The following ASB18 variants were observed in gnomAD, a reference collection of about 807,000 sequenced individuals.
ASB18 encodes ankyrin repeat and SOCS box protein 18.
Under a neutral mutation model 33.4 loss-of-function variants are expected in ASB18, and 33 were observed. The ratio of observed to expected loss-of-function variants is 0.99; its 90% CI spans 0.75 to 1.32. The LOEUF (loss-of-function observed/expected upper bound fraction) is 1.32. Ranked by LOEUF, ASB18 falls within the 40% of genes most tolerant of loss-of-function variation. ASB18 has a pLI of 0.00. For synonymous variants in ASB18, 295 were observed against 307.6 expected (o/e 0.96, Z 0.43); for missense variants, 694 against 655.5 (o/e 1.06, Z -0.64).
rs2060503657 is a variant in ASB18 at position 236,220,016 on chromosome 2, C to T, written c.597-5150G>A. On this transcript the variant is annotated intron_variant, in intron 3 of 5. Coordinates refer to ENST00000409749, the MANE Select transcript of ASB18 (RefSeq NM_212556.4). The surrounding 1 kb of genome is among the most constrained non-coding windows in gnomAD (Gnocchi z 5.1). ...ACACATTAATCTCTGGGTGCCTCAT[C>T]TCTGTTTTCGATAATGACTGCAATG... Among the ~76,000 whole-genome samples the T allele has an allele frequency of 6.6e-6, 1 of 152,228 alleles. No individual in the cohort carries two copies. Among genetic ancestry groups the T allele is most frequent in the Non-Finnish European group, 1.5e-5 (1 of 68,040 alleles).
rs982583972 is a variant in ASB18, at chr2:236,244,765, G to C, written c.206-3363C>G. Among the ~76,000 whole-genome samples the C allele has an allele frequency of 6.6e-6, 1 of 152,190 alleles. No homozygotes were observed. The highest frequency in any genetic ancestry group is 2.4e-5 in the African/African-American group (1 of 41,446). ...GAGTGCTCAGCAAAGGGAGACCTTT[G>C]ATTTTCCTTACAAGAGATTGCAGCA... On this transcript the variant is annotated intron_variant, in intron 1 of 5. Transcript: ENST00000409749. This position sits in a 1 kb window ranked among gnomAD's most constrained non-coding sequence, Gnocchi z 6.1.
rs943619253 is a variant in ASB18, at chr2:236,195,199, A to G, written c.1216-142T>C. 121 of 742,336 alleles carry G rather than the reference A, an allele frequency of 1.6e-4. No individual in the cohort carries two copies. Among genetic ancestry groups the G allele is most frequent in the Non-Finnish European group, 2.5e-4 (113 of 459,132 alleles). 46.0% of individuals were successfully genotyped at this position (742,336 alleles called of 1,614,324 possible). A position where few individuals can be genotyped will look rare whatever the true frequency, so the allele number is the denominator to read the frequency against. On this transcript the variant is annotated intron_variant, in intron 5 of 5. Transcript: ENST00000409749. This position sits in a 1 kb window ranked among gnomAD's most constrained non-coding sequence, Gnocchi z 5.5. ...TAAGCGCACTGGAGGGAGACGCACC[A>G]TCTTGTGGGAACCACCCTCTACCCC...
rs371669046 is a variant in ASB18, at chr2:236,241,350, G to A, written c.258C>T (p.Asn86=). The A allele has an allele frequency of 6.8e-5, 109 of 1,613,788 alleles. No homozygotes were observed. The highest frequency in any genetic ancestry group is 8.7e-5 in the Non-Finnish European group (103 of 1,179,836). The change falls in exon 2 of 6, where the codon AAC becomes AAT. Residue 86 remains asparagine, a synonymous_variant. Coordinates refer to ENST00000409749, the MANE Select transcript of ASB18 (RefSeq NM_212556.4). This position sits in a 1 kb window ranked among gnomAD's most constrained non-coding sequence, Gnocchi z 4.2. The part of the protein sequence containing the change: ...PLMDQFFQDA[N]VVFEINKDEM... ...CATCCTTATTGATCTCAAACACCAC[G>A]TTGGCATCCTGGAAGAACTGGTCCA...
chr2:236,204,070 G>A lies in ASB18; in HGVS notation c.1102-7685C>T, dbSNP rs796948364. Among the ~76,000 whole-genome samples, 4 of 151,458 alleles carry A rather than the reference G, an allele frequency of 2.6e-5. No individual in the cohort carries two copies. Among genetic ancestry groups the A allele is most frequent in the African/African-American group, 9.7e-5 (4 of 41,230 alleles). On this transcript the variant is annotated intron_variant, in intron 4 of 5. Coordinates refer to ENST00000409749, the MANE Select transcript of ASB18 (RefSeq NM_212556.4). The surrounding 1 kb of genome is among the most constrained non-coding windows in gnomAD (Gnocchi z 5.1). ...AGGAGATTTTGAGATATATTTAGGG[G>A]GAAGAGTGGGGAGAATCTGGGGATG...
chr2:236,198,172 A>G (rs1397879308), intron 4 of ASB18, among the ~76,000 whole-genome samples: 1 of 152,118 alleles, frequency 6.6e-6, no homozygotes, highest in Non-Finnish European at 1.5e-5. Context: ...TAAAATACAA[A>G]TATGACAAAC....
rs898863835 is a variant in ASB18, at chr2:236,260,764, G to T, written c.205+3377C>A. On this transcript the variant is annotated intron_variant, in intron 1 of 5. Transcript: ENST00000409749. The surrounding 1 kb of genome is among the most constrained non-coding windows in gnomAD (Gnocchi z 5.1). ...AGGTTCTGGGTTGAGATGAGAAACCGTGCCAAATGCAATTGCAATCCTTAA... is the reference window on the plus strand; with the variant it reads ...AGGTTCTGGGTTGAGATGAGAAACCTTGCCAAATGCAATTGCAATCCTTAA... Among the ~76,000 whole-genome samples, 2 of 152,156 alleles carry T rather than the reference G, an allele frequency of 1.3e-5. No individual in the cohort carries two copies. The highest frequency in any genetic ancestry group is 1.3e-4 in the Admixed American group (2 of 15,278).
rs928978990 is a variant in ASB18 at position 236,217,951 on chromosome 2, C to T, written c.597-3085G>A. 1.3e-5 allele frequency among the ~76,000 whole-genome samples: 2 copies of T among 152,208 alleles called. No homozygotes were observed. Among genetic ancestry groups the T allele is most frequent in the African/African-American group, 4.8e-5 (2 of 41,452 alleles). On this transcript the variant is annotated intron_variant, in intron 3 of 5. Transcript: ENST00000409749. This position sits in a 1 kb window ranked among gnomAD's most constrained non-coding sequence, Gnocchi z 5.2. ...AAATCAAGGGTTCCTTCTCGTTTTG[C>T]CACTGAGCCTGTGTGCACTTGCAAA...
In ASB18 at chr2:236,214,750, T is replaced by C; in HGVS notation, c.713A>G (p.Tyr238Cys). The C allele has an allele frequency of 1.4e-5, 16 of 1,175,134 alleles. No homozygotes were observed. Among genetic ancestry groups the C allele is most frequent in the Non-Finnish European group, 1.7e-5 (16 of 952,134 alleles). The allele number at this position is 1,175,134 out of a possible 1,614,324, so 72.8% of individuals were successfully genotyped here. ...QRGLDEHARLYLGRGAHVDAR... is the reference protein window; with the variant it reads ...QRGLDEHARLCLGRGAHVDAR... Reference sequence around the variant, plus strand: ...GTCCACGTGCGCCCCGCGGCCCAGGTACAGGCGCGCGTGCTCGTCCAGGCC... The same window carrying C: ...GTCCACGTGCGCCCCGCGGCCCAGGCACAGGCGCGCGTGCTCGTCCAGGCC... Residue 238 changes from tyrosine (Y) to cysteine (C), a missense_variant, in exon 4 of 6, where the codon TAC (tyrosine) becomes TGC (cysteine). Transcript: ENST00000409749. The surrounding 1 kb of genome is among the most constrained non-coding windows in gnomAD (Gnocchi z 6.5).
rs1363696413 is a variant in ASB18 at position 236,211,863 on chromosome 2, A to G, written c.1101+2499T>C. On this transcript the variant is annotated intron_variant, in intron 4 of 5. Transcript: ENST00000409749. This position sits in a 1 kb window ranked among gnomAD's most constrained non-coding sequence, Gnocchi z 5.0. ...CCTCATCCACCATCCTCTCCTGGCC[A>G]GGTGTAGGGGTACCCACTGGAGGTG... Among the ~76,000 whole-genome samples, 1 of 152,144 alleles carries G rather than the reference A, an allele frequency of 6.6e-6. No homozygotes were observed. Among genetic ancestry groups the G allele is most frequent in the Non-Finnish European group, 1.5e-5 (1 of 68,024 alleles).
In ASB18 at chr2:236,195,323, G is replaced by C. The variant is rs1045833940; in HGVS notation, c.1216-266C>G. On this transcript the variant is annotated intron_variant, in intron 5 of 5. Transcript: ENST00000409749. The surrounding 1 kb of genome is among the most constrained non-coding windows in gnomAD (Gnocchi z 5.5). ...GCTCCAGGTGGTCTCCCCGAATTCC[G>C]TTTTGCTCCATCCTCTTTGCACAGC... Among the ~76,000 whole-genome samples the C allele has an allele frequency of 2.6e-5, 4 of 152,114 alleles. No individual in the cohort carries two copies. Among genetic ancestry groups the C allele is most frequent in the Non-Finnish European group, 5.9e-5 (4 of 68,016 alleles).
At chr2:236,224,721 G>C (rs1432473531) in intron 3 of ASB18, among the ~76,000 whole-genome samples, 1 of 152,146 alleles carries the variant, frequency 6.6e-6, no homozygotes, top group Non-Finnish European at 1.5e-5. Flanking sequence ...ATGCCTTGCA[G>C]GCCTGAGAGG....
Position 236,216,869 on chromosome 2 carries a change from C to T in ASB18, c.597-2003G>A, listed in dbSNP as rs1000785183. Reference sequence around the variant, plus strand: ...GGCTCACCGGGTTCACCTCCTGAGGCGCCGCCTCTCCATGCTTCAATTCTG... The same window carrying T: ...GGCTCACCGGGTTCACCTCCTGAGGTGCCGCCTCTCCATGCTTCAATTCTG... On this transcript the variant is annotated intron_variant, in intron 3 of 5. Transcript: ENST00000409749. This position sits in a 1 kb window ranked among gnomAD's most constrained non-coding sequence, Gnocchi z 6.1. 2.0e-5 allele frequency among the ~76,000 whole-genome samples: 3 copies of T among 152,290 alleles called. No individual in the cohort carries two copies. The highest frequency in any genetic ancestry group is 2.1e-4 in the South Asian group (1 of 4,828).
At chr2:236,197,574 C>T (rs2060380073) in intron 4 of ASB18, among the ~76,000 whole-genome samples, 1 of 152,008 alleles carries the variant, frequency 6.6e-6, no homozygotes, top group African/African-American at 2.4e-5. Flanking sequence ...AGTGGCTCAG[C>T]ACTTTGGGAG....
At chr2:236,243,843 T>C (rs1010789239) in intron 1 of ASB18, among the ~76,000 whole-genome samples, 2 of 152,244 alleles carry the variant, frequency 1.3e-5, no homozygotes, top group East Asian at 3.8e-4. Flanking sequence ...TTCCTTTTTT[T>C]TGAGATAGAG....
Position 236,239,288 on chromosome 2 carries a change from C to A in ASB18, c.329-1332G>T, listed in dbSNP as rs2060610378. Among the ~76,000 whole-genome samples, 1 of 152,154 alleles carries A rather than the reference C, an allele frequency of 6.6e-6. No homozygotes were observed. The highest frequency in any genetic ancestry group is 2.4e-5 in the African/African-American group (1 of 41,426). On this transcript the variant is annotated intron_variant, in intron 2 of 5. Coordinates refer to ENST00000409749, the MANE Select transcript of ASB18 (RefSeq NM_212556.4). The surrounding 1 kb of genome is among the most constrained non-coding windows in gnomAD (Gnocchi z 5.6). The stretch of plus-strand genomic sequence containing the variant: ...GAAATGCTAAATCCCCAACCCAGCC[C>A]CACCCTACCCTAGCGCTCAGTAAAC...
intron 2 of ASB18, among the ~76,000 whole-genome samples, chr2:236,240,568 G>A (rs1305676403): frequency 1.3e-5 from 2 of 152,236 alleles, no homozygotes; most frequent in Non-Finnish European, 2.9e-5. Context: ...GGTGCCCAAA[G>A]CAGGGTGCCA....
chr2:236,253,403 C>T lies in ASB18; in HGVS notation c.205+10738G>A, dbSNP rs746956669. Among the ~76,000 whole-genome samples, 1 of 152,026 alleles carries T rather than the reference C, an allele frequency of 6.6e-6. No individual in the cohort carries two copies. The highest frequency in any genetic ancestry group is 1.5e-5 in the Non-Finnish European group (1 of 68,004). ...TTTGTTTTTATTTTTTTAAGGACAG[C>T]GTCTCACTCTGTTGCCTAGGCTAGA... On this transcript the variant is annotated intron_variant, in intron 1 of 5. Coordinates refer to ENST00000409749, the MANE Select transcript of ASB18 (RefSeq NM_212556.4). The surrounding 1 kb of genome is among the most constrained non-coding windows in gnomAD (Gnocchi z 5.4).
Position 236,209,348 on chromosome 2 carries a change from C to A in ASB18, c.1101+5014G>T, listed in dbSNP as rs1559328675. Reference sequence around the variant, plus strand: ...AGTGTAGTATTGCAATCATGGCTCACTGCAGCTTCCACCCCCTGGGTTTAG... The same window carrying A: ...AGTGTAGTATTGCAATCATGGCTCAATGCAGCTTCCACCCCCTGGGTTTAG... On this transcript the variant is annotated intron_variant, in intron 4 of 5. Coordinates refer to ENST00000409749, the MANE Select transcript of ASB18 (RefSeq NM_212556.4). The surrounding 1 kb of genome is among the most constrained non-coding windows in gnomAD (Gnocchi z 4.4). Among the ~76,000 whole-genome samples the A allele has an allele frequency of 6.6e-6, 1 of 151,264 alleles. No individual in the cohort carries two copies. Among genetic ancestry groups the A allele is most frequent in the East Asian group, 1.9e-4 (1 of 5,140 alleles).
chr2:236,237,705 T>A lies in ASB18; in HGVS notation c.580A>T (p.Thr194Ser). 11 of 1,455,144 alleles carry A rather than the reference T, an allele frequency of 7.6e-6. No individual in the cohort carries two copies. The highest frequency in any genetic ancestry group is 9.9e-6 in the Non-Finnish European group (11 of 1,109,874). The allele number at this position is 1,455,144 out of a possible 1,614,324, so 90.1% of individuals were successfully genotyped here. The change falls in exon 3 of 6, where the codon ACG (threonine) becomes TCG (serine). Residue 194 changes from threonine (T) to serine (S), a missense_variant. Transcript: ENST00000409749. The surrounding 1 kb of genome is among the most constrained non-coding windows in gnomAD (Gnocchi z 6.2). ...EGLAPLHLCRTAASLGCAQAL... is the reference protein window; with the variant it reads ...EGLAPLHLCRSAASLGCAQAL... ...GGTCCTTACCCGAGCGAGGCGGCCG[T>A]GCGGCAGAGGTGCAGAGGCGCCAGG...
Sources: gnomAD v4.1 joint callset for allele counts (sites outside exome capture counted in the v4.1 genomes callset) on GRCh38, gnomAD v4.1.1 for gene constraint, Gnocchi (gnomAD v3.1) non-coding constraint, MANE v1.5 for transcripts, NCBI Gene and HGNC (gene_info 2026-07-23, HGNC 2026-07-21) for gene names.